OPCML: variants seen among roughly 807,000 people sequenced by gnomAD.
OPCML encodes opioid-binding protein/cell adhesion molecule.
Under a neutral mutation model 37.8 loss-of-function variants are expected in OPCML, and 13 were observed. The observed-to-expected ratio is 0.34, with a 90% CI of 0.22 to 0.55. The LOEUF (loss-of-function observed/expected upper bound fraction) is 0.55, where lower values mean the gene tolerates loss of function less well. Ranked by LOEUF, OPCML falls within the 20% of genes least tolerant of loss-of-function variation. The pLI is 0.91. For synonymous variants in OPCML, 176 were observed against 168.8 expected, an observed-to-expected ratio of 1.04 and a Z score of -0.33; for missense variants, 341 against 435.6, an observed-to-expected ratio of 0.78 and a Z score of 1.93.
chr11:132,822,275 C>A (rs948864530), intron 2 of OPCML, among the ~76,000 whole-genome samples: 7 of 152,076 alleles, frequency 4.6e-5, no homozygotes, highest in African/African-American at 1.7e-4. Flanking sequence ...CACCTCCCCC[C>A]ACCGCTTGCC....
At chr11:132,740,120 G>A (rs1326864872) in intron 2 of OPCML, among the ~76,000 whole-genome samples, 1 of 152,200 alleles carries the variant, frequency 6.6e-6, no homozygotes, top group Non-Finnish European at 1.5e-5. Context: ...GGGAGAAGCA[G>A]GTGTCGAAGG....
At chr11:132,935,141 GAA>G (rs574227413) in intron 2 of OPCML, among the ~76,000 whole-genome samples, 6 of 90,256 alleles carry the variant, frequency 6.6e-5, no homozygotes, top group Admixed American at 3.3e-4. Flanking sequence ...TTCCATCTCA[GAA>G]AAAAAAAAAA....
At chr11:132,810,218 A>G (rs964451960) in intron 2 of OPCML, among the ~76,000 whole-genome samples, 3 of 152,202 alleles carry the variant, frequency 2.0e-5, no homozygotes, top group African/African-American at 7.2e-5. Flanking sequence ...CCTGCCTGAA[A>G]GGAAACCATG....
intron 1 of OPCML, among the ~76,000 whole-genome samples, chr11:133,286,444 T>TG (rs59601551): frequency 0.35 from 45,379 of 130,232 alleles, 9,488 homozygotes; most frequent in East Asian, 0.76. Flanking sequence ...CACTCCAGCC[T>TG]GGCGACAGAG....
At position 132,796,211 on chromosome 11, in the gene OPCML, G is replaced by C. The variant is rs1938301329; in HGVS notation, c.147-138892C>G. Among the ~76,000 whole-genome samples the C allele has an allele frequency of 2.0e-5, 3 of 152,162 alleles. 1 individual carries two copies. Among genetic ancestry groups the C allele is most frequent in the Admixed American group, 1.3e-4 (2 of 15,278 alleles). On this transcript the variant is annotated intron_variant, in intron 2 of 7. Coordinates refer to ENST00000524381, the MANE Select transcript of OPCML (RefSeq NM_001012393.5). ...AATCAATTCTCCATGGATACCAAGA[G>C]ACAAATGCACTTCATTTATTTTTGG...
At chr11:132,699,425 CTCT>C (rs1190394775) in intron 2 of OPCML, among the ~76,000 whole-genome samples, 10 of 152,186 alleles carry the variant, frequency 6.6e-5, no homozygotes. Flanking sequence ...TGTCTTGTTC[CTCT>C]TCTTAGAAGA....
At chr11:133,082,200 G>A (rs868785881) in intron 1 of OPCML, among the ~76,000 whole-genome samples, 8 of 151,486 alleles carry the variant, frequency 5.3e-5, no homozygotes, top group Non-Finnish European at 1.2e-4. Flanking sequence ...GCCTCTAGAG[G>A]AGCCCCGCGT....
At chr11:132,707,293 C>G in intron 2 of OPCML, among the ~76,000 whole-genome samples, 1 of 152,166 alleles carries the variant, frequency 6.6e-6, no homozygotes, top group East Asian at 1.9e-4. Context: ...GAGACGGCAA[C>G]AAACACATAT....
intron 1 of OPCML, chr11:133,301,822 C>A (rs940462210): frequency 4.0e-5 from 6 of 151,884 alleles, no homozygotes; most frequent in African/African-American, 1.5e-4. Flanking sequence ...TATGAAGAGG[C>A]ATTAAAAAAA....
chr11:132,781,548 T>A (rs1947014321), intron 2 of OPCML, among the ~76,000 whole-genome samples: 1 of 151,450 alleles, frequency 6.6e-6, no homozygotes, highest in South Asian at 2.1e-4. Context: ...CAATTCCTTA[T>A]AATAAATATA....
chr11:132,767,716 C>A (rs989733853), intron 2 of OPCML, among the ~76,000 whole-genome samples: 2 of 152,070 alleles, frequency 1.3e-5, no homozygotes, highest in African/African-American at 4.8e-5. Flanking sequence ...TACCTAAAAC[C>A]CTCACAAACT....
chr11:132,718,616 G>C (rs1944573490), intron 2 of OPCML, among the ~76,000 whole-genome samples: 1 of 152,244 alleles, frequency 6.6e-6, no homozygotes, highest in Middle Eastern at 3.4e-3. Context: ...GTGTCCATAC[G>C]TGTCCTATGT....
intron 1 of OPCML, among the ~76,000 whole-genome samples, chr11:133,403,739 C>T (rs1003014843): frequency 1.9e-4 from 29 of 152,094 alleles, no homozygotes; most frequent in African/African-American, 6.8e-4. Context: ...TAAATATGTC[C>T]TTTTATTTAA....
chr11:132,584,847 T>C (rs2096469170), intron 3 of OPCML, among the ~76,000 whole-genome samples: 1 of 152,218 alleles, frequency 6.6e-6, no homozygotes, highest in African/African-American at 2.4e-5. Context: ...GCCTGCCACA[T>C]GGTTAGATAA....
chr11:132,465,783 A>T (rs1369224717), intron 4 of OPCML, among the ~76,000 whole-genome samples: 1 of 152,160 alleles, frequency 6.6e-6, no homozygotes, highest in Non-Finnish European at 1.5e-5. Context: ...CAAATATCTT[A>T]TATACTTTTT....
At position 132,499,043 on chromosome 11, in the gene OPCML, G is replaced by A. The variant is rs2096240063; in HGVS notation, c.505+30018C>T. 2.0e-5 allele frequency among the ~76,000 whole-genome samples: 3 copies of A among 152,222 alleles called. 1 individual carries two copies. In the South Asian group the frequency reaches 6.2e-4, roughly 32 times the overall value. On this transcript the variant is annotated intron_variant, in intron 4 of 7. Coordinates refer to ENST00000524381, the MANE Select transcript of OPCML (RefSeq NM_001012393.5). The stretch of plus-strand genomic sequence containing the variant: ...GCCATGCTCTCAGAATTCTGTGAGT[G>A]TGCTTCCCCGTGCATGGTAGCACAC...
intron 2 of OPCML, among the ~76,000 whole-genome samples, chr11:132,738,282 C>T (rs919432620): frequency 6.6e-6 from 1 of 152,134 alleles, no homozygotes; most frequent in African/African-American, 2.4e-5. Context: ...TGTATAATGT[C>T]GCCTGTACTT....
At chr11:133,209,371 A>T (rs1039295683) in intron 1 of OPCML, among the ~76,000 whole-genome samples, 1 of 152,202 alleles carries the variant, frequency 6.6e-6, no homozygotes, top group Non-Finnish European at 1.5e-5. Flanking sequence ...CACATCACAC[A>T]TAAGAAAAGG....
intron 2 of OPCML, among the ~76,000 whole-genome samples, chr11:132,828,705 G>A (rs563569911): frequency 2.4e-4 from 37 of 152,184 alleles, no homozygotes; most frequent in African/African-American, 8.9e-4. Flanking sequence ...TTGGGTATCC[G>A]ATGTTGGCTA....
Sources: gnomAD v4.1 joint callset for allele counts (sites outside exome capture counted in the v4.1 genomes callset) on GRCh38, gnomAD v4.1.1 for gene constraint, MANE v1.5 for transcripts, NCBI Gene and HGNC (gene_info 2026-07-23, HGNC 2026-07-21) for gene names.